DNAJC15: variants seen among roughly 807,000 people sequenced by gnomAD.
DNAJC15 encodes the protein DnaJ heat shock protein family (Hsp40) member C15, also known as dnaJ homolog subfamily C member 15.
In DNAJC15, 27 loss-of-function variants were observed where a neutral mutation model predicts 22.4. The observed-to-expected ratio is 1.20, with a 90% CI of 0.89 to 1.66. The LOEUF is 1.66. Among genes scored for constraint, DNAJC15 ranks in the 40% most tolerant of loss-of-function variants. The pLI is 0.00. For missense variants in DNAJC15, 208 were observed against 187.1 expected (o/e 1.11, Z -0.65); for synonymous variants, 79 against 63.2 (o/e 1.25, Z -1.19).
At chr13:43,060,444 T>C (rs1185298015) in intron 1 of DNAJC15, among the ~76,000 whole-genome samples, 3 of 151,866 alleles carry the variant, frequency 2.0e-5, no homozygotes, top group Non-Finnish European at 4.4e-5. Context: ...GAATTGGGAG[T>C]ATCCAGGACA....
chr13:43,061,729 C>G (rs1347476676), intron 1 of DNAJC15, among the ~76,000 whole-genome samples: 1 of 152,258 alleles, frequency 6.6e-6, no homozygotes, highest in African/African-American at 2.4e-5. Flanking sequence ...TCACTTATCA[C>G]CAAGGGAATG....
intron 4 of DNAJC15, among the ~76,000 whole-genome samples, chr13:43,081,796 A>T (rs1390026031): frequency 6.6e-6 from 1 of 152,082 alleles, no homozygotes; most frequent in African/African-American, 2.4e-5. Context: ...AAACTATATT[A>T]GTCCATTCTC....
intron 5 of DNAJC15, among the ~76,000 whole-genome samples, chr13:43,101,356 G>A (rs539459337): frequency 4.6e-5 from 7 of 152,300 alleles, no homozygotes; most frequent in African/African-American, 9.6e-5. Context: ...AATCCGGTGC[G>A]ACAGCCTTTG....
intron 2 of DNAJC15, among the ~76,000 whole-genome samples, chr13:43,067,454 G>A (rs1279991417): frequency 1.3e-5 from 2 of 152,128 alleles, no homozygotes; most frequent in Non-Finnish European, 2.9e-5. Context: ...AGGAATTTTA[G>A]TATTAATTAG....
intron 4 of DNAJC15, among the ~76,000 whole-genome samples, chr13:43,080,366 A>G (rs930690735): frequency 1.3e-5 from 2 of 152,166 alleles, no homozygotes; most frequent in Non-Finnish European, 2.9e-5. Context: ...CAGTTCATCC[A>G]TGTTTCTGCA....
At chr13:43,062,498 C>CA (rs916496130) in intron 1 of DNAJC15, among the ~76,000 whole-genome samples, 3 of 152,106 alleles carry the variant, frequency 2.0e-5, no homozygotes, top group Non-Finnish European at 4.4e-5. Context: ...AAATAATCAA[C>CA]AGAGTGCTCA....
intron 2 of DNAJC15, among the ~76,000 whole-genome samples, chr13:43,067,727 A>G (rs2040590503): frequency 1.3e-5 from 2 of 152,192 alleles, no homozygotes; most frequent in African/African-American, 4.8e-5. Flanking sequence ...TAGTTAGAGT[A>G]AACCTCCAGG....
chr13:43,051,413 C>G (rs557978239), intron 1 of DNAJC15, among the ~76,000 whole-genome samples: 184 of 152,164 alleles, frequency 1.2e-3, no homozygotes, highest in African/African-American at 4.0e-3. Flanking sequence ...GTCTTTTATC[C>G]CTCGCTCCCA....
intron 1 of DNAJC15, among the ~76,000 whole-genome samples, chr13:43,045,445 C>T (rs911162954): frequency 6.6e-6 from 1 of 152,108 alleles, no homozygotes; most frequent in Non-Finnish European, 1.5e-5. Flanking sequence ...GTCCCTTTTA[C>T]GGGCACACAA....
At chr13:43,065,097 A>G (rs2040577549) in intron 1 of DNAJC15, among the ~76,000 whole-genome samples, 1 of 152,216 alleles carries the variant, frequency 6.6e-6, no homozygotes, top group South Asian at 2.1e-4. Flanking sequence ...TATTGTGGGT[A>G]TATAGCCAAT....
intron 1 of DNAJC15, among the ~76,000 whole-genome samples, chr13:43,038,651 G>C (rs1440432324): frequency 6.6e-6 from 1 of 151,982 alleles, no homozygotes; most frequent in Non-Finnish European, 1.5e-5. Flanking sequence ...AATTAGCCAG[G>C]CTTGGTGGCT....
intron 1 of DNAJC15, among the ~76,000 whole-genome samples, chr13:43,054,988 C>T (rs936481319): frequency 6.6e-6 from 1 of 151,470 alleles, no homozygotes; most frequent in Non-Finnish European, 1.5e-5. Context: ...CCAAACTTCA[C>T]AATGGGCCCC....
chr13:43,027,185 G>A (rs17064053), intron 1 of DNAJC15, among the ~76,000 whole-genome samples: 2,206 of 152,204 alleles, frequency 0.014, 58 homozygotes, highest in African/African-American at 0.048. Flanking sequence ...TGTATGAAAC[G>A]GTAGTCATTT....
At chr13:43,081,916 A>G (rs998062511) in intron 4 of DNAJC15, among the ~76,000 whole-genome samples, 1 of 152,156 alleles carries the variant, frequency 6.6e-6, no homozygotes, top group African/African-American at 2.4e-5. Flanking sequence ...CAGAAGGCAA[A>G]GGAGGAGCAA....
At chr13:43,044,414 A>G (rs535231519) in intron 1 of DNAJC15, among the ~76,000 whole-genome samples, 15 of 152,314 alleles carry the variant, frequency 9.8e-5, no homozygotes, top group East Asian at 5.8e-4. Flanking sequence ...TCGTCACGGC[A>G]TATTGTTAGA....
At chr13:43,070,854 T>A (rs1290887784) in intron 3 of DNAJC15, among the ~76,000 whole-genome samples, 1 of 125,314 alleles carries the variant, frequency 8.0e-6, no homozygotes, top group Non-Finnish European at 1.7e-5. Flanking sequence ...GTATTTTAAG[T>A]TATCACTCTG....
intron 2 of DNAJC15, among the ~76,000 whole-genome samples, chr13:43,067,809 T>C (rs190842679): frequency 6.6e-5 from 10 of 152,254 alleles, no homozygotes; most frequent in African/African-American, 2.2e-4. Flanking sequence ...TTGAAGAATT[T>C]TGAGGTAATA....
intron 1 of DNAJC15, among the ~76,000 whole-genome samples, chr13:43,025,628 C>T (rs773995227): frequency 3.3e-5 from 5 of 152,080 alleles, no homozygotes; most frequent in Admixed American, 6.6e-5. Flanking sequence ...CTACAGGCTG[C>T]GAGCGGTGTC....
chr13:43,063,258 T>C (rs1013708665), intron 1 of DNAJC15, among the ~76,000 whole-genome samples: 4 of 152,136 alleles, frequency 2.6e-5, no homozygotes, highest in Admixed American at 2.0e-4. Flanking sequence ...GATCTGCCCG[T>C]CTTGGCCTCC....
Sources: allele counts gnomAD v4.1 joint callset (sites outside exome capture counted in the v4.1 genomes callset), GRCh38; gene constraint gnomAD v4.1.1; transcripts MANE v1.5; gene names NCBI Gene and HGNC (gene_info 2026-07-23, HGNC 2026-07-21).